NSUN6: variants seen among roughly 807,000 people sequenced by gnomAD.
NSUN6 encodes the protein tRNA (cytosine(72)-C(5))-methyltransferase NSUN6.
NSUN6 carries 64 observed loss-of-function variants against 58.0 expected under a neutral mutation model. The observed-to-expected ratio is 1.10, with a 90% CI of 0.90 to 1.36. The LOEUF (loss-of-function observed/expected upper bound fraction) is 1.36. Among genes scored for constraint, NSUN6 ranks in the 40% most tolerant of loss-of-function variants. The probability of loss-of-function intolerance (pLI) is 0.00; values close to 1 mark genes in which losing one functional copy is unlikely to be tolerated. For missense variants in NSUN6, 701 were observed against 550.1 expected (o/e 1.27, Z -2.74); for synonymous variants, 231 against 193.9 (o/e 1.19, Z -1.59).
At chr10:18,610,219 G>A (rs1167991402) in intron 5 of NSUN6, among the ~76,000 whole-genome samples, 1 of 152,024 alleles carries the variant, frequency 6.6e-6, no homozygotes, top group African/African-American at 2.4e-5. Flanking sequence ...TGACAGGTGA[G>A]GAGCTGTAAT....
intron 8 of NSUN6, among the ~76,000 whole-genome samples, chr10:18,559,554 G>A (rs116649252): frequency 6.6e-6 from 1 of 150,674 alleles, no homozygotes; most frequent in East Asian, 2.0e-4. Context: ...GAATAGAAAC[G>A]AATTGAATGG....
At position 18,607,614 on chromosome 10, in the gene NSUN6, C is replaced by G. The variant is rs542992086; in HGVS notation, c.657+2231G>C. Among the ~76,000 whole-genome samples, 39 of 152,304 alleles carry G rather than the reference C, an allele frequency of 2.6e-4. 1 individual carries two copies. In the South Asian group the frequency reaches 7.5e-3, roughly 29 times the overall value. On this transcript the variant is annotated intron_variant, in intron 6 of 10. Coordinates refer to ENST00000377304, the MANE Select transcript of NSUN6 (RefSeq NM_182543.5). ...TGTAATATATGAATTGCTTAAAGCC[C>G]TTACCCCCTGAACTTGGAACTCAGT...
intron 8 of NSUN6, among the ~76,000 whole-genome samples, chr10:18,555,468 G>T: frequency 6.6e-6 from 1 of 151,002 alleles, no homozygotes; most frequent in Admixed American, 6.6e-5. Context: ...GAATGGGATA[G>T]AATGCAGTGG....
intron 8 of NSUN6, among the ~76,000 whole-genome samples, chr10:18,584,903 A>C (rs1028940134): frequency 2.6e-5 from 4 of 152,020 alleles, no homozygotes; most frequent in African/African-American, 9.7e-5. Context: ...AAAGAAAAAA[A>C]AAAACCCATC....
At chr10:18,561,518 A>G (rs2055505957) in intron 8 of NSUN6, among the ~76,000 whole-genome samples, 1 of 124,562 alleles carries the variant, frequency 8.0e-6, no homozygotes, top group Non-Finnish European at 1.7e-5. Flanking sequence ...AATAGAATGG[A>G]ATGGAATACA....
At chr10:18,631,155 C>T (rs2059016742) in intron 3 of NSUN6, among the ~76,000 whole-genome samples, 1 of 152,196 alleles carries the variant, frequency 6.6e-6, no homozygotes, top group Non-Finnish European at 1.5e-5. Flanking sequence ...ACAAAAACCA[C>T]ATGATTATCT....
chr10:18,624,258 G>C (rs1372601012), intron 3 of NSUN6, among the ~76,000 whole-genome samples: 1 of 151,872 alleles, frequency 6.6e-6, no homozygotes, highest in Non-Finnish European at 1.5e-5. Flanking sequence ...CCTATGACTA[G>C]ATAGTATTTT....
At chr10:18,609,312 AAATAAT>A (rs897152182) in intron 6 of NSUN6, among the ~76,000 whole-genome samples, 3 of 152,032 alleles carry the variant, frequency 2.0e-5, no homozygotes, top group South Asian at 2.1e-4. Flanking sequence ...GCCTGTCTCA[AAATAAT>A]AATAATAATT....
At chr10:18,607,106 T>C (rs7081972) in intron 6 of NSUN6, among the ~76,000 whole-genome samples, 26,442 of 152,212 alleles carry the variant, frequency 0.17, 2,799 homozygotes, top group East Asian at 0.36. Context: ...TTTAACACTA[T>C]TGAAAAGCAT....
intron 2 of NSUN6, among the ~76,000 whole-genome samples, chr10:18,646,972 T>C (rs537291651): frequency 4.7e-4 from 72 of 152,316 alleles, no homozygotes; most frequent in African/African-American, 1.7e-3. Context: ...TACTTATGTT[T>C]TATACCTGTC....
At chr10:18,554,498 T>C (rs998417872) in intron 8 of NSUN6, among the ~76,000 whole-genome samples, 1 of 146,918 alleles carries the variant, frequency 6.8e-6, no homozygotes, top group African/African-American at 2.5e-5. Context: ...AAAGGGAGAA[T>C]GGAATGGAAT....
At chr10:18,625,725 A>ATTTT (rs1564819281) in intron 3 of NSUN6, among the ~76,000 whole-genome samples, 19 of 146,388 alleles carry the variant, frequency 1.3e-4, no homozygotes, top group East Asian at 9.9e-4. Context: ...TTTTTTAAAA[A>ATTTT]AAAAAAAAAA....
At chr10:18,646,282 T>C (rs1206121904) in intron 2 of NSUN6, among the ~76,000 whole-genome samples, 1 of 152,154 alleles carries the variant, frequency 6.6e-6, no homozygotes, top group African/African-American at 2.4e-5. Flanking sequence ...TCAGGACATC[T>C]CTTTAGGACA....
chr10:18,635,823 G>A (rs963640712), intron 3 of NSUN6, among the ~76,000 whole-genome samples: 3 of 151,456 alleles, frequency 2.0e-5, no homozygotes, highest in South Asian at 2.1e-4. Context: ...GGGTGACAGA[G>A]TGAGACTCTG....
chr10:18,546,054 GGCA>G lies in NSUN6; in HGVS notation c.1286_1288del (p.Val429_Pro430delinsAla), dbSNP rs748684594. The G allele has an allele frequency of 6.2e-7, 1 of 1,605,124 alleles. No homozygotes were observed. The highest frequency in any genetic ancestry group is 2.2e-5 in the East Asian group (1 of 44,820). On this transcript the variant is annotated inframe_deletion, in exon 11 of 11. Coordinates refer to ENST00000377304, the MANE Select transcript of NSUN6 (RefSeq NM_182543.5). ...AGAGTCCATGTCAGTGTCCGGTAAT[GGCA>G]CAGCCGATGGATCAAATCGCTGCAG...
At chr10:18,628,430 G>C (rs1349087952) in intron 3 of NSUN6, among the ~76,000 whole-genome samples, 2 of 152,226 alleles carry the variant, frequency 1.3e-5, no homozygotes, top group East Asian at 3.8e-4. Flanking sequence ...GCTGAGAGAA[G>C]AAGGCTTCAG....
chr10:18,573,291 C>T (rs1337997771), intron 8 of NSUN6, among the ~76,000 whole-genome samples: 1 of 151,652 alleles, frequency 6.6e-6, no homozygotes, highest in Admixed American at 6.6e-5. Context: ...TACTCCATCC[C>T]ATTCCATTCT....
At chr10:18,621,892 A>G (rs1248811364) in intron 3 of NSUN6, among the ~76,000 whole-genome samples, 1 of 152,216 alleles carries the variant, frequency 6.6e-6, no homozygotes, top group Non-Finnish European at 1.5e-5. Flanking sequence ...AAACTGTGAA[A>G]CAGCACATGA....
chr10:18,553,756 G>T (rs2054776421), intron 8 of NSUN6, among the ~76,000 whole-genome samples: 2 of 151,644 alleles, frequency 1.3e-5, no homozygotes, highest in South Asian at 4.2e-4. Context: ...ATGCTGAATG[G>T]AATGGAGAAT....
Sources: allele counts gnomAD v4.1 joint callset (sites outside exome capture counted in the v4.1 genomes callset), GRCh38; gene constraint gnomAD v4.1.1; transcripts MANE v1.5; gene names NCBI Gene and HGNC (gene_info 2026-07-23, HGNC 2026-07-21).